Variants in HIP1 observed in about 807,000 individuals in gnomAD.
HIP1 encodes the protein huntingtin-interacting protein 1.
HIP1 carries 65 observed loss-of-function variants against 147.6 expected under a neutral mutation model. The ratio of observed to expected loss-of-function variants is 0.44; its 90% CI spans 0.36 to 0.54. HIP1 has a LOEUF of 0.54. Among genes scored for constraint, HIP1 ranks in the 20% least tolerant of loss-of-function variants. The probability of loss-of-function intolerance (pLI) is 0.00; values close to 1 mark genes in which losing one functional copy is unlikely to be tolerated. For synonymous variants in HIP1, 479 were observed against 504.0 expected (o/e 0.95, Z 0.67); for missense variants, 1,061 against 1,299.6 (o/e 0.82, Z 2.82).
intron 4 of HIP1, among the ~76,000 whole-genome samples, chr7:75,591,722 CAAAA>C (rs1168286308): frequency 3.8e-5 from 3 of 79,688 alleles, no homozygotes; most frequent in Admixed American, 2.6e-4. Context: ...CCGTCTCTAC[CAAAA>C]AAAAAAAAAA....
intron 1 of HIP1, among the ~76,000 whole-genome samples, chr7:75,629,217 G>A (rs909647350): frequency 2.6e-5 from 4 of 152,164 alleles, no homozygotes; most frequent in Non-Finnish European, 4.4e-5. Flanking sequence ...CTCCAGGCCC[G>A]GGTAGCAGTA....
At chr7:75,737,866 G>A (rs1168873167) in intron 1 of HIP1, among the ~76,000 whole-genome samples, 2 of 152,148 alleles carry the variant, frequency 1.3e-5, no homozygotes, top group Non-Finnish European at 1.5e-5. Flanking sequence ...TGCCCCTCCA[G>A]CATTGGCACT....
intron 12 of HIP1, 73 bp downstream of exon 12, chr7:75,562,000 G>A: frequency 1.2e-6 from 1 of 856,594 alleles, no homozygotes; most frequent in East Asian, 2.4e-5. Context: ...ATTCCTCTTT[G>A]GTTAGTGTTT....
At chr7:75,710,736 C>T (rs1801144970) in intron 1 of HIP1, among the ~76,000 whole-genome samples, 1 of 152,078 alleles carries the variant, frequency 6.6e-6, no homozygotes, top group Non-Finnish European at 1.5e-5. Flanking sequence ...TGCACTGCTA[C>T]CTGGGCAATA....
At chr7:75,638,219 C>T (rs1279894580) in intron 1 of HIP1, among the ~76,000 whole-genome samples, 1 of 151,986 alleles carries the variant, frequency 6.6e-6, no homozygotes, top group Non-Finnish European at 1.5e-5. Flanking sequence ...GACAGCCAAT[C>T]AAGACCCCTG....
At position 75,568,382 on chromosome 7, in the gene HIP1, G is replaced by A. The variant is rs1035477495; in HGVS notation, c.746-126C>T. 9 of 729,114 alleles carry A rather than the reference G, an allele frequency of 1.2e-5. No individual in the cohort carries two copies. The highest frequency in any genetic ancestry group is 5.8e-5 in the Admixed American group (3 of 51,296). The allele number at this position is 729,114 out of a possible 1,614,324, so 45.2% of individuals were successfully genotyped here. On this transcript the variant is annotated intron_variant, in intron 8 of 30. Coordinates refer to ENST00000336926, the MANE Select transcript of HIP1 (RefSeq NM_005338.7). This position sits in a 1 kb window ranked among gnomAD's most constrained non-coding sequence, Gnocchi z 4.1. ...TGTGGCCAGCACTGCCAGGGGCCAC[G>A]ACTGGCCTAGAGCTGTCCCGAGGTC...
intron 1 of HIP1, among the ~76,000 whole-genome samples, chr7:75,669,065 C>T (rs1799651733): frequency 6.8e-6 from 1 of 147,908 alleles, no homozygotes; most frequent in African/African-American, 2.5e-5. Context: ...TTAAAACAAA[C>T]AAACAAACAA....
At position 75,562,867 on chromosome 7, in the gene HIP1, C is replaced by T. The variant is rs201306535; in HGVS notation, c.1020+68G>A. On this transcript the variant is annotated intron_variant, in intron 11 of 30. Transcript: ENST00000336926. The stretch of plus-strand genomic sequence containing the variant: ...AGTCAATGGGCTTTGGCCAGGGTCT[C>T]CCCCAGCCTCTCCCCTGTACTTGCA... 5.2e-6 allele frequency: 8 copies of T among 1,542,424 alleles called. No homozygotes were observed. The African/African-American group carries it at 9.5e-5, about 18-fold the overall frequency.
intron 1 of HIP1, among the ~76,000 whole-genome samples, chr7:75,637,492 A>G (rs545101662): frequency 1.1e-3 from 161 of 144,044 alleles, no homozygotes; most frequent in Non-Finnish European, 1.9e-3. Flanking sequence ...GGAAAGAACT[A>G]CTGCTTAGTT....
At chr7:75,591,516 A>T (rs899042047) in intron 4 of HIP1, among the ~76,000 whole-genome samples, 6 of 152,140 alleles carry the variant, frequency 3.9e-5, no homozygotes, top group Non-Finnish European at 7.4e-5. Flanking sequence ...AAGCTCTGGC[A>T]TTAAGAATTG....
intron 1 of HIP1, among the ~76,000 whole-genome samples, chr7:75,715,929 C>A (rs963393341): frequency 6.6e-6 from 1 of 151,832 alleles, no homozygotes; most frequent in Non-Finnish European, 1.5e-5. Flanking sequence ...GGGAATCAGG[C>A]GTGTCACATG....
intron 1 of HIP1, among the ~76,000 whole-genome samples, chr7:75,631,721 A>T (rs587717393): frequency 6.6e-6 from 1 of 152,136 alleles, no homozygotes; most frequent in East Asian, 1.9e-4. Flanking sequence ...AGCAGGGGGA[A>T]TCTTCTCCGA....
rs1554496424 is a variant in HIP1, at chr7:75,570,544, G to A, written c.746-2288C>T. 2.2e-4 allele frequency among the ~76,000 whole-genome samples: 32 copies of A among 145,132 alleles called. No homozygotes were observed. In the Middle Eastern group the frequency reaches 0.013, roughly 58 times the overall value. ...CTGACCTCATGATCCGCCCACCTCG[G>A]CCTCCCAAAGTGCTGGGATTACAGG... On this transcript the variant is annotated intron_variant, in intron 8 of 30. Coordinates refer to ENST00000336926, the MANE Select transcript of HIP1 (RefSeq NM_005338.7).
intron 1 of HIP1, among the ~76,000 whole-genome samples, chr7:75,638,773 G>A (rs1798532342): frequency 6.6e-6 from 1 of 152,102 alleles, no homozygotes; most frequent in East Asian, 1.9e-4. Context: ...CGAGGTGGGC[G>A]GCGAGCCCCG....
At chr7:75,627,156 C>G (rs1339308075) in intron 1 of HIP1, among the ~76,000 whole-genome samples, 1 of 152,152 alleles carries the variant, frequency 6.6e-6, no homozygotes, top group Non-Finnish European at 1.5e-5. Context: ...CCAGTGCACT[C>G]AAGGCTATCT....
intron 1 of HIP1, chr7:75,625,743 T>C (rs1488796565): frequency 3.3e-5 from 5 of 152,166 alleles, no homozygotes; most frequent in Admixed American, 2.0e-4. Flanking sequence ...TCGGAAATGA[T>C]TAAGTCTTTT....
At chr7:75,599,005 G>C (rs1196459498) in intron 2 of HIP1, among the ~76,000 whole-genome samples, 179 bp downstream of exon 2, 3 of 152,196 alleles carry the variant, frequency 2.0e-5, no homozygotes, top group African/African-American at 7.2e-5. Flanking sequence ...CACCCTGAAG[G>C]TCTGTGGTCT....
intron 1 of HIP1, among the ~76,000 whole-genome samples, chr7:75,671,044 C>A (rs1272425725): frequency 6.6e-6 from 1 of 152,066 alleles, no homozygotes; most frequent in Non-Finnish European, 1.5e-5. Context: ...AGCATAATGT[C>A]CTCAAGGTTC....
intron 1 of HIP1, among the ~76,000 whole-genome samples, chr7:75,676,852 G>A (rs906889105): frequency 1.3e-5 from 2 of 151,128 alleles, no homozygotes; most frequent in Non-Finnish European, 2.9e-5. Context: ...TTAGTCTATT[G>A]TTTGCCCCAA....
Sources: gnomAD v4.1 joint callset for allele counts (sites outside exome capture counted in the v4.1 genomes callset) on GRCh38, gnomAD v4.1.1 for gene constraint, Gnocchi (gnomAD v3.1) non-coding constraint, MANE v1.5 for transcripts, NCBI Gene and HGNC (gene_info 2026-07-23, HGNC 2026-07-21) for gene names.